PCDH7: variants seen among roughly 807,000 people sequenced by gnomAD.
The protein encoded by PCDH7 is protocadherin-7.
Under a neutral mutation model 58.9 loss-of-function variants are expected in PCDH7, and 17 were observed. The observed-to-expected ratio is 0.29, with a 90% CI of 0.20 to 0.43. The LOEUF (loss-of-function observed/expected upper bound fraction) is 0.43, where lower values mean the gene tolerates loss of function less well. Among genes scored for constraint, PCDH7 ranks in the 20% least tolerant of loss-of-function variants. The pLI is 1.00. For missense variants in PCDH7, 1,274 were observed against 1,441.0 expected (o/e 0.88, Z 1.88); for synonymous variants, 664 against 616.4 (o/e 1.08, Z -1.14).
rs748665878 is a variant in PCDH7, at chr4:30,722,379, G to A, written c.957G>A (p.Glu319=). 1.4e-5 allele frequency: 22 copies of A among 1,612,570 alleles called. No individual in the cohort carries two copies. The highest frequency in any genetic ancestry group is 1.6e-5 in the Non-Finnish European group (19 of 1,179,902). Residue 319 remains glutamate, a synonymous_variant, in exon 1 of 2, where the codon GAG becomes GAA. Transcript: ENST00000361762. This position sits in a 1 kb window ranked among gnomAD's most constrained non-coding sequence, Gnocchi z 7.6. ...GCGTGTACGAGGCCGACTTGGCTGAGAACAGCGCCCCGGGGACCCCCATCC... is the reference window on the plus strand; with the variant it reads ...GCGTGTACGAGGCCGACTTGGCTGAAAACAGCGCCCCGGGGACCCCCATCC...
chr4:31,114,412 A>C (rs1716733999), intron 3 of PCDH7, among the ~76,000 whole-genome samples: 1 of 152,126 alleles, frequency 6.6e-6, no homozygotes, highest in Non-Finnish European at 1.5e-5. Flanking sequence ...AAACTGACAT[A>C]TGGTTATCAG....
At chr4:30,972,723 G>A (rs1262847275) in intron 3 of PCDH7, among the ~76,000 whole-genome samples, 3 of 152,062 alleles carry the variant, frequency 2.0e-5, no homozygotes, top group Non-Finnish European at 4.4e-5. Context: ...CACACCCTAA[G>A]CTTCATATCA....
intron 1 of PCDH7, among the ~76,000 whole-genome samples, chr4:30,883,795 T>A (rs954737920): frequency 6.6e-6 from 1 of 152,192 alleles, no homozygotes; most frequent in Non-Finnish European, 1.5e-5. Context: ...GGAGGTATCA[T>A]TTCAGGTCCT....
Position 30,960,873 on chromosome 4 carries a change from T to C in PCDH7, c.*7+10658T>C, listed in dbSNP as rs545502349. The stretch of plus-strand genomic sequence containing the variant: ...TCTACTGAGTTGAGGAAATGTGAAA[T>C]AAAATTTAGTTTTAAGATGTTTTAT... On this transcript the variant is annotated intron_variant, in intron 3 of 3. Coordinates refer to the PCDH7 transcript ENST00000509759. Among the ~76,000 whole-genome samples, 75 of 152,282 alleles carry C rather than the reference T, an allele frequency of 4.9e-4. 1 individual carries two copies. The South Asian group carries it at 0.011, about 22-fold the overall frequency.
intron 1 of PCDH7, among the ~76,000 whole-genome samples, chr4:30,757,478 A>G (rs1226703144): frequency 2.6e-5 from 4 of 152,206 alleles, no homozygotes; most frequent in African/African-American, 9.6e-5. Flanking sequence ...CAGGTATGCT[A>G]GCCATACCTA....
intron 1 of PCDH7, among the ~76,000 whole-genome samples, chr4:30,792,043 A>C (rs1021432223): frequency 1.3e-5 from 2 of 152,220 alleles, no homozygotes; most frequent in African/African-American, 4.8e-5. Flanking sequence ...TTTTTCATTA[A>C]ATAGCAAATG....
chr4:30,770,850 A>G (rs1041557691), intron 1 of PCDH7, among the ~76,000 whole-genome samples: 4 of 152,150 alleles, frequency 2.6e-5, no homozygotes. Flanking sequence ...TTTGTCTTTT[A>G]AAAAAACAAC....
downstream of PCDH7, among the ~76,000 whole-genome samples, chr4:30,737,320 G>C (rs139461460): frequency 3.3e-3 from 505 of 152,196 alleles, 4 homozygotes; most frequent in African/African-American, 0.011. Context: ...CTCTTTTTCA[G>C]TTGCATTTAC....
At chr4:30,970,029 G>A (rs1749415995) in intron 3 of PCDH7, among the ~76,000 whole-genome samples, 1 of 152,178 alleles carries the variant, frequency 6.6e-6, no homozygotes, top group Admixed American at 6.5e-5. Flanking sequence ...GAGAAACTGA[G>A]GCTTAGAGTT....
chr4:31,106,557 A>G (rs548460848), intron 3 of PCDH7, among the ~76,000 whole-genome samples: 26 of 152,176 alleles, frequency 1.7e-4, no homozygotes, highest in Non-Finnish European at 3.4e-4. Context: ...CCACTTCCTG[A>G]TTGGGTTCTG....
chr4:30,818,607 G>C (rs1360985193), intron 1 of PCDH7, among the ~76,000 whole-genome samples: 1 of 152,088 alleles, frequency 6.6e-6, no homozygotes, highest in Non-Finnish European at 1.5e-5. Flanking sequence ...CCTCAGATTT[G>C]CTCCATAGAA....
At chr4:31,119,660 C>T (rs921097683) in intron 3 of PCDH7, among the ~76,000 whole-genome samples, 6 of 152,026 alleles carry the variant, frequency 3.9e-5, no homozygotes, top group South Asian at 4.2e-4. Context: ...TTTTATATGT[C>T]GGCATTCTTA....
At chr4:31,036,719 G>C (rs1333656679) in intron 3 of PCDH7, among the ~76,000 whole-genome samples, 1 of 152,160 alleles carries the variant, frequency 6.6e-6, no homozygotes, top group Non-Finnish European at 1.5e-5. Flanking sequence ...TCTAAAGTCA[G>C]TACGACTTTG....
At chr4:30,925,743 T>C (rs149175915) in intron 2 of PCDH7, 2 of 152,160 alleles carry the variant, frequency 1.3e-5, no homozygotes, top group South Asian at 2.1e-4. Flanking sequence ...AATTTCTTCA[T>C]AGTAATATAT....
At chr4:30,762,954 T>G (rs1240148495) in intron 1 of PCDH7, among the ~76,000 whole-genome samples, 1 of 152,164 alleles carries the variant, frequency 6.6e-6, no homozygotes, top group Non-Finnish European at 1.5e-5. Context: ...TAAATATATT[T>G]AGCCTAGGCC....
In PCDH7 at chr4:30,722,546, G is replaced by A. The variant is rs781179493; in HGVS notation, c.1124G>A (p.Arg375His). ...CTCAGCGTCCTGCACCGGATCGACC[G>A]CGAGGAGGTGAACCAGCTGCGCTTC... is the stretch of plus-strand genomic sequence containing the variant. Residue 375 changes from arginine to histidine, a missense_variant, in exon 1 of 2, where the codon CGC (arginine) becomes CAC (histidine). Transcript: ENST00000361762. The surrounding 1 kb of genome is among the most constrained non-coding windows in gnomAD (Gnocchi z 7.6). 1.2e-6 allele frequency: 2 copies of A among 1,612,408 alleles called. No individual in the cohort carries two copies. Among genetic ancestry groups the A allele is most frequent in the Admixed American group, 1.7e-5 (1 of 59,988 alleles).
At chr4:31,085,855 T>G (rs200939467) in intron 3 of PCDH7, among the ~76,000 whole-genome samples, 1 of 122,450 alleles carries the variant, frequency 8.2e-6, no homozygotes, top group African/African-American at 2.6e-5. Flanking sequence ...CTCTCTCTCT[T>G]TTTTTTTTTT....
chr4:30,794,267 T>C (rs1560376742), intron 1 of PCDH7, among the ~76,000 whole-genome samples: 3 of 152,232 alleles, frequency 2.0e-5, no homozygotes, highest in African/African-American at 7.2e-5. Context: ...CTGCTTACTA[T>C]TCAAAACATG....
chr4:31,030,638 T>C (rs1371337034), intron 3 of PCDH7, among the ~76,000 whole-genome samples: 1 of 152,214 alleles, frequency 6.6e-6, no homozygotes, highest in African/African-American at 2.4e-5. Flanking sequence ...CAATTACTTA[T>C]GGCTTAGCAG....
Sources: gnomAD v4.1 joint callset for allele counts (sites outside exome capture counted in the v4.1 genomes callset) on GRCh38, gnomAD v4.1.1 for gene constraint, Gnocchi (gnomAD v3.1) non-coding constraint, MANE v1.5 for transcripts, NCBI Gene and HGNC (gene_info 2026-07-23, HGNC 2026-07-21) for gene names.